PSG11: variants seen among roughly 807,000 people sequenced by gnomAD.
PSG11 encodes pregnancy specific beta-1-glycoprotein 11, also known as pregnancy-specific beta-1-glycoprotein 11.
A neutral mutation model predicts 36.0 loss-of-function variants in PSG11; 42 were observed. The observed-to-expected ratio is 1.17, with a 90% CI of 0.91 to 1.51. The LOEUF is 1.51. Among genes scored for constraint, PSG11 ranks in the 40% most tolerant of loss-of-function variants. The pLI is 0.00. For synonymous variants in PSG11, 206 were observed against 153.5 expected (o/e 1.34, Z -2.53); for missense variants, 558 against 403.5 (o/e 1.38, Z -3.28).
chr19:43,012,726 G>C (rs1255661623), intron 4 of PSG11, among the ~76,000 whole-genome samples: 1 of 151,346 alleles, frequency 6.6e-6, no homozygotes, highest in East Asian at 1.9e-4. Flanking sequence ...AGTGAGCTGT[G>C]GATTCAATGC....
intron 2 of PSG11, among the ~76,000 whole-genome samples, chr19:43,019,986 C>T (rs566985374): frequency 1.3e-5 from 2 of 151,466 alleles, no homozygotes; most frequent in Non-Finnish European, 2.9e-5. Flanking sequence ...TACTTTCTCT[C>T]ATTAGACATT....
intron 4 of PSG11, 95 bp downstream of exon 4, chr19:43,015,021 C>G: frequency 6.2e-7 from 1 of 1,603,270 alleles, no homozygotes; most frequent in Non-Finnish European, 8.5e-7. Flanking sequence ...CCATGGGACA[C>G]AGGCTGGGAA....
At chr19:43,014,074 GAGAC>G (rs1157695555) in intron 4 of PSG11, 1 of 151,474 alleles carries the variant, frequency 6.6e-6, no homozygotes, top group Non-Finnish European at 1.5e-5. Context: ...CAGTTACATA[GAGAC>G]AGAAAGTAGA....
chr19:43,013,989 A>C (rs1407425762), intron 4 of PSG11: 1 of 151,422 alleles, frequency 6.6e-6, no homozygotes, highest in East Asian at 1.9e-4. Context: ...AACCTTGAAG[A>C]TATTATGCTA....
At position 43,017,648 on chromosome 19, in the gene PSG11, G is replaced by A. The variant is rs552007249; in HGVS notation, c.709+1122C>T. On this transcript the variant is annotated intron_variant, in intron 3 of 5. Coordinates refer to ENST00000320078, the MANE Select transcript of PSG11 (RefSeq NM_002785.3). ...AGAGTTTTCTAATTCTGCAAAAAAT[G>A]TTACTGGGATTCTAGTAGGGGTTGC... The A allele has an allele frequency of 3.3e-5, 5 of 151,434 alleles. 1 individual carries two copies. The highest frequency in any genetic ancestry group is 1.3e-4 in the Admixed American group (2 of 15,158). The allele number at this position is 151,434 out of a possible 1,614,324, so 9.4% of individuals were successfully genotyped here. A position where few individuals can be genotyped will look rare whatever the true frequency, so the allele number is the denominator to read the frequency against.
intron 2 of PSG11, among the ~76,000 whole-genome samples, chr19:43,021,008 C>A (rs531991598): frequency 6.6e-6 from 1 of 151,206 alleles, no homozygotes; most frequent in Admixed American, 6.6e-5. Flanking sequence ...CTTATGAAAA[C>A]GGCATCATCA....
chr19:43,018,815 A>T lies in PSG11; in HGVS notation c.664T>A (p.Ser222Thr), dbSNP rs151073824. 2.6e-4 allele frequency: 413 copies of T among 1,612,082 alleles called. 14 individuals are homozygous for T. In the African/African-American group the frequency reaches 4.7e-3, roughly 18 times the overall value. ...AGPYECEIWN[S>T]GSASRSDPVT... ...GGGTCACTGCGGCTGGCACTCCCTGAGTTCCATATTTCACATTCATAGGGT... is the reference window on the plus strand; with the variant it reads ...GGGTCACTGCGGCTGGCACTCCCTGTGTTCCATATTTCACATTCATAGGGT... Residue 222 changes from serine to threonine, a missense_variant, in exon 3 of 6, where the codon TCA becomes ACA. Transcript: ENST00000320078.
chr19:43,015,852 C>T (rs768907398), intron 3 of PSG11: 22 of 1,609,940 alleles, frequency 1.4e-5, no homozygotes, highest in East Asian at 8.9e-5. Context: ...TTTCATTTCT[C>T]GTGACACTGG....
chr19:43,025,936 C>CTTTTTTTTTTTTTTTTTT (rs1195259262), intron 1 of PSG11, among the ~76,000 whole-genome samples: 5 of 68,148 alleles, frequency 7.3e-5, no homozygotes, highest in Admixed American at 2.2e-4. Flanking sequence ...TTTTTTTTCT[C>CTTTTTTTTTTTTTTTTTT]TTTTTTTTTT....
In PSG11 at chr19:43,018,982, A is replaced by G. The variant is rs1381190973; in HGVS notation, c.497T>C (p.Ile166Thr). The G allele has an allele frequency of 1.2e-6, 2 of 1,612,090 alleles. No individual in the cohort carries two copies. The highest frequency in any genetic ancestry group is 1.7e-6 in the Non-Finnish European group (2 of 1,179,150). ...LNPREAMETV[I>T]LTCNPETPDA... Reference sequence around the variant, plus strand: ...CGGAGTCTCAGGATTACAGGTTAAGATCACAGTCTCCATGGCCTCCCTGGG... The same window carrying G: ...CGGAGTCTCAGGATTACAGGTTAAGGTCACAGTCTCCATGGCCTCCCTGGG... Residue 166 changes from isoleucine (I) to threonine (T), a missense_variant, in exon 3 of 6, where the codon ATC (isoleucine) becomes ACC (threonine). Physicochemically the swap from Ile to Thr is moderately conservative, Grantham distance 89. Coordinates refer to ENST00000320078, the MANE Select transcript of PSG11 (RefSeq NM_002785.3).
Position 43,015,132 on chromosome 19 carries a change from C to G in PSG11, c.948G>C (p.Leu316Phe). ...SATGEESSTS[L>F]TIRVIAPPGL... ...TCCACTTACCAATGACTCTGATTGT[C>G]AAGGATGTGGAGCTTTCCTCGCCAG... is the stretch of plus-strand genomic sequence containing the variant. The change falls in exon 4 of 6, where the codon TTG becomes TTC. Residue 316 changes from leucine to phenylalanine, a missense_variant. Leu to Phe is a conservative substitution (Grantham distance 22). Coordinates refer to ENST00000320078, the MANE Select transcript of PSG11 (RefSeq NM_002785.3). 6.2e-7 allele frequency: 1 copy of G among 1,611,978 alleles called. No individual in the cohort carries two copies. Among genetic ancestry groups the G allele is most frequent in the Non-Finnish European group, 8.5e-7 (1 of 1,178,968 alleles).
intron 3 of PSG11, 123 bp downstream of exon 3, chr19:43,018,647 C>T: frequency 1.3e-6 from 2 of 1,594,804 alleles, no homozygotes; most frequent in East Asian, 2.2e-5. Flanking sequence ...AAGTCATGGC[C>T]AGCTTTGATG....
At chr19:43,025,133 A>G (rs1967208899) in intron 1 of PSG11, 77 bp from the exon 2 acceptor site, 9 of 1,531,840 alleles carry the variant, frequency 5.9e-6, no homozygotes, top group African/African-American at 1.4e-5. Context: ...GAGTCCTGAG[A>G]AGGTCTCTTC....
chr19:43,025,018 G>C lies in PSG11; in HGVS notation c.103C>G (p.Gln35Glu). 1 of 1,610,924 alleles carries C rather than the reference G, an allele frequency of 6.2e-7. No homozygotes were observed. The change falls in exon 2 of 6, where the codon CAA becomes GAA. Residue 35 changes from glutamine to glutamate, a missense_variant. Coordinates refer to ENST00000320078, the MANE Select transcript of PSG11 (RefSeq NM_002785.3). ...LNFWNLPTTA[Q>E]VMIEAQPPKV... ...GGTGGCTGGGCTTCAATCATGACTT[G>C]GGCAGTGGTAGGCAAGTTCCAGAAG...
intron 3 of PSG11, chr19:43,016,114 C>G (rs1966959736): frequency 5.2e-6 from 8 of 1,540,146 alleles, no homozygotes; most frequent in Middle Eastern, 2.2e-4. Flanking sequence ...ATCCTTCAAT[C>G]AGAGTTGGCA....
Position 43,013,570 on chromosome 19 carries a change from CAA to C in PSG11, c.964+1544_964+1545del, listed in dbSNP as rs66494914. On this transcript the variant is annotated intron_variant, in intron 4 of 5. Coordinates refer to ENST00000320078, the MANE Select transcript of PSG11 (RefSeq NM_002785.3). ...AAAACCACAATGTTACACCACCTCA[CAA>C]AATTTAGGATGGTTTTGATAAACAA... is the stretch of plus-strand genomic sequence containing the variant. Among the ~76,000 whole-genome samples, 4 of 151,238 alleles carry C rather than the reference CAA, an allele frequency of 2.6e-5. 1 individual carries two copies. Among genetic ancestry groups the C allele is most frequent in the African/African-American group, 9.8e-5 (4 of 40,950 alleles).
In PSG11 at chr19:43,023,101, C is replaced by A. The variant is rs1019041949; in HGVS notation, c.430+1590G>T. ...TGCCCCCAGTTCCACAGTCCAGGAC[C>A]AAGGAGCCCCGAGAACCCTCTGGTG... On this transcript the variant is annotated intron_variant, in intron 2 of 5. Transcript: ENST00000320078. Among the ~76,000 whole-genome samples the A allele has an allele frequency of 6.6e-4, 99 of 150,784 alleles. 3 individuals are homozygous for A. The highest frequency in any genetic ancestry group is 2.4e-3 in the African/African-American group (96 of 40,816).
intron 4 of PSG11, among the ~76,000 whole-genome samples, chr19:43,011,960 G>C (rs532241646): frequency 1.3e-5 from 2 of 149,176 alleles, no homozygotes; most frequent in South Asian, 4.3e-4. Context: ...ATAAAATAAT[G>C]ATTATGAAAG....
intron 2 of PSG11, 129 bp from the exon 3 acceptor site, chr19:43,019,177 G>T: frequency 2.0e-6 from 3 of 1,508,496 alleles, no homozygotes. Flanking sequence ...TGGCAGGTGT[G>T]TGTGTTACAA....
Sources: gnomAD v4.1 joint callset for allele counts (sites outside exome capture counted in the v4.1 genomes callset) on GRCh38, gnomAD v4.1.1 for gene constraint, MANE v1.5 for transcripts, NCBI Gene and HGNC (gene_info 2026-07-23, HGNC 2026-07-21) for gene names.